Variants in CEP15 observed in about 807,000 individuals in gnomAD.
CEP15 encodes centrosomal protein 15 kDa.
chr3:62,323,108 C>T, the CEP15 span, among the ~76,000 whole-genome samples: 5 of 152,194 alleles, frequency 3.3e-5, no homozygotes, highest in Non-Finnish European at 7.4e-5. Context: ...GGTTTTCAAG[C>T]ATTTTCCTTT....
chr3:62,333,219 T>G, the CEP15 span: 2 of 1,601,378 alleles, frequency 1.2e-6, no homozygotes, highest in Non-Finnish European at 1.7e-6. The surrounding 1 kb of genome is among the most constrained non-coding windows in gnomAD (Gnocchi z 4.0). Context: ...TTCAATTGCT[T>G]GATATGCTTT....
At chr3:62,329,073 G>A in the CEP15 span, among the ~76,000 whole-genome samples, 1 of 152,032 alleles carries the variant, frequency 6.6e-6, no homozygotes, top group South Asian at 2.1e-4. Flanking sequence ...CTCTAGGCAT[G>A]CATCATAGAG....
chr3:62,329,446 G>A, the CEP15 span, among the ~76,000 whole-genome samples: 2 of 152,274 alleles, frequency 1.3e-5, no homozygotes, highest in East Asian at 3.9e-4. Flanking sequence ...AGCTGCCACA[G>A]ATCTTAAGAA....
chr3:62,332,422 A>G, the CEP15 span, among the ~76,000 whole-genome samples: 1 of 152,100 alleles, frequency 6.6e-6, no homozygotes. Flanking sequence ...TTCTAGTGCT[A>G]TCTCATTGGC....
the CEP15 span, among the ~76,000 whole-genome samples, chr3:62,329,985 C>G: frequency 6.6e-6 from 1 of 152,138 alleles, no homozygotes; most frequent in South Asian, 2.1e-4. Context: ...AGCTCTTTAG[C>G]AGGCATCTTA....
the CEP15 span, chr3:62,331,455 T>A: frequency 7.3e-7 from 1 of 1,361,762 alleles, no homozygotes; most frequent in Admixed American, 1.7e-5. Flanking sequence ...CTATCAGTAG[T>A]GCACTACAAG....
At chr3:62,320,240 A>T in the CEP15 span, among the ~76,000 whole-genome samples, 2 of 152,206 alleles carry the variant, frequency 1.3e-5, no homozygotes, top group Non-Finnish European at 2.9e-5. Context: ...ACAATATGAA[A>T]TATGTTGGGT....
At chr3:62,333,226 C>T in the CEP15 span, 1 of 1,602,330 alleles carries the variant, frequency 6.2e-7, no homozygotes. The surrounding 1 kb of genome is among the most constrained non-coding windows in gnomAD (Gnocchi z 4.0). Flanking sequence ...GCTTGATATG[C>T]TTTTTTACTT....
At chr3:62,335,939 A>G in the CEP15 span, 5 of 152,164 alleles carry the variant, frequency 3.3e-5, no homozygotes, top group East Asian at 9.6e-4. Context: ...AAAATTAAGA[A>G]GTATTAAGGA....
chr3:62,323,647 A>G, the CEP15 span, among the ~76,000 whole-genome samples: 2 of 152,236 alleles, frequency 1.3e-5, no homozygotes, highest in African/African-American at 2.4e-5. Context: ...GATGATTTCA[A>G]AAATGGAGAG....
At chr3:62,322,811 C>T in the CEP15 span, among the ~76,000 whole-genome samples, 2 of 152,018 alleles carry the variant, frequency 1.3e-5, no homozygotes, top group African/African-American at 2.4e-5. The surrounding 1 kb of genome is among the most constrained non-coding windows in gnomAD (Gnocchi z 5.5). Context: ...ATATTTTCAT[C>T]GATAGGCATG....
the CEP15 span, among the ~76,000 whole-genome samples, chr3:62,329,122 A>G: frequency 6.6e-6 from 1 of 152,178 alleles, no homozygotes; most frequent in Non-Finnish European, 1.5e-5. Flanking sequence ...AATAAGTGTA[A>G]TAATAAGGCC....
At chr3:62,333,647 T>C in the CEP15 span, 1 of 279,712 alleles carries the variant, frequency 3.6e-6, no homozygotes, top group Non-Finnish European at 6.7e-6. This position sits in a 1 kb window ranked among gnomAD's most constrained non-coding sequence, Gnocchi z 4.0. Flanking sequence ...ATTAATTAAA[T>C]TATTGTCAGT....
the CEP15 span, chr3:62,335,140 C>A: frequency 6.6e-6 from 1 of 152,078 alleles, no homozygotes; most frequent in African/African-American, 2.4e-5. Context: ...CCTTTGAGAT[C>A]TGTAAATTAA....
chr3:62,319,054 C>G, the CEP15 span: 1 of 152,290 alleles, frequency 6.6e-6, no homozygotes, highest in Non-Finnish European at 1.5e-5. Context: ...GAGGCGGGCT[C>G]GGTGAGTGGA....
chr3:62,327,904 T>A, the CEP15 span, among the ~76,000 whole-genome samples: 1 of 152,220 alleles, frequency 6.6e-6, no homozygotes, highest in African/African-American at 2.4e-5. Flanking sequence ...TATTTATGCC[T>A]GATGTGTCCC....
the CEP15 span, chr3:62,333,874 T>C: frequency 6.6e-6 from 1 of 152,148 alleles, no homozygotes; most frequent in African/African-American, 2.4e-5. The surrounding 1 kb of genome is among the most constrained non-coding windows in gnomAD (Gnocchi z 4.0). Context: ...AAATAACTTA[T>C]GAGAAAATAA....
At chr3:62,328,428 T>C in the CEP15 span, among the ~76,000 whole-genome samples, 1 of 152,234 alleles carries the variant, frequency 6.6e-6, no homozygotes, top group Non-Finnish European at 1.5e-5. Context: ...TACTGTGTTC[T>C]AAGAACACTT....
the CEP15 span, chr3:62,333,354 G>A: frequency 6.2e-7 from 1 of 1,611,334 alleles, no homozygotes; most frequent in Non-Finnish European, 8.5e-7. The surrounding 1 kb of genome is among the most constrained non-coding windows in gnomAD (Gnocchi z 4.0). Context: ...TCAAAATGAA[G>A]CAGAAAATAC....
Sources: gnomAD v4.1 joint callset for allele counts (sites outside exome capture counted in the v4.1 genomes callset) on GRCh38, gnomAD v4.1.1 for gene constraint, Gnocchi (gnomAD v3.1) non-coding constraint, MANE v1.5 for transcripts, NCBI Gene and HGNC (gene_info 2026-07-23, HGNC 2026-07-21) for gene names.